The following SERGEF variants were observed in gnomAD, a reference collection of about 807,000 sequenced individuals.
SERGEF encodes the protein secretion regulating guanine nucleotide exchange factor.
SERGEF carries 51 observed loss-of-function variants against 50.0 expected under a neutral mutation model. The ratio of observed to expected loss-of-function variants is 1.02; its 90% confidence interval spans 0.81 to 1.29. The LOEUF (loss-of-function observed/expected upper bound fraction) is 1.29, where lower values mean the gene tolerates loss of function less well. Ranked by LOEUF, SERGEF falls within the 50% of genes most tolerant of loss-of-function variation. The pLI is 0.00. For synonymous variants in SERGEF, 205 were observed against 212.4 expected (o/e 0.97, Z 0.30); for missense variants, 521 against 557.0 (o/e 0.94, Z 0.65).
intron 9 of SERGEF, chr11:17,926,765 G>A (rs1440908031): frequency 2.2e-6 from 1 of 456,038 alleles, no homozygotes; most frequent in African/African-American, 2.0e-5. Context: ...AGACTATCTT[G>A]ATGCAGAATC....
At chr11:17,860,503 A>G (rs12295745) in intron 10 of SERGEF, among the ~76,000 whole-genome samples, 72,053 of 152,068 alleles carry the variant, frequency 0.47, 19,378 homozygotes, top group Middle Eastern at 0.71. Context: ...TTAGAAATAT[A>G]GAGATAGACA....
chr11:17,816,533 C>T (rs575288800), intron 10 of SERGEF, among the ~76,000 whole-genome samples: 91 of 152,322 alleles, frequency 6.0e-4, no homozygotes, highest in Non-Finnish European at 9.7e-4. Flanking sequence ...TGCTTATTGC[C>T]TCAAAGGCAT....
chr11:17,979,141 T>G (rs1174907791), intron 8 of SERGEF, among the ~76,000 whole-genome samples: 2 of 152,202 alleles, frequency 1.3e-5, no homozygotes, highest in Non-Finnish European at 2.9e-5. Flanking sequence ...CCCAGGCCAG[T>G]ACACGGTTTC....
intron 10 of SERGEF, among the ~76,000 whole-genome samples, chr11:17,792,075 C>A (rs1455433477): frequency 6.6e-6 from 1 of 152,168 alleles, no homozygotes; most frequent in Non-Finnish European, 1.5e-5. Flanking sequence ...ACTCATTATC[C>A]ACTGAAAACT....
Position 17,982,022 on chromosome 11 carries a change from C to T in SERGEF, c.844+6575G>A, listed in dbSNP as rs190757194. ...GTTTTGCCATACTGCCCAGGCTGAT[C>T]TCAAACTCCTGGGCTCAAGAGATCC... On this transcript the variant is annotated intron_variant, in intron 8 of 10. Transcript: ENST00000265965. Among the ~76,000 whole-genome samples the T allele has an allele frequency of 2.0e-5, 3 of 152,232 alleles. No individual in the cohort carries two copies. In the East Asian group the frequency reaches 5.8e-4, roughly 29 times the overall value.
intron 10 of SERGEF, chr11:17,846,565 A>C: frequency 2.5e-6 from 1 of 393,398 alleles, no homozygotes; most frequent in East Asian, 7.3e-5. Context: ...GCAGAGGCAG[A>C]ATGGTAATTA....
intron 10 of SERGEF, among the ~76,000 whole-genome samples, chr11:17,842,317 T>G (rs187398571): frequency 2.8e-4 from 42 of 152,302 alleles, no homozygotes; most frequent in Non-Finnish European, 4.6e-4. Context: ...GAGTCTGGAT[T>G]AGACTAACAG....
intron 9 of SERGEF, among the ~76,000 whole-genome samples, chr11:17,909,201 A>C (rs1212312489): frequency 6.6e-6 from 1 of 152,228 alleles, no homozygotes; most frequent in African/African-American, 2.4e-5. Context: ...GGAATCTTAG[A>C]TTCTTCATTG....
intron 10 of SERGEF, among the ~76,000 whole-genome samples, chr11:17,851,696 C>T (rs1298731083): frequency 1.4e-4 from 21 of 152,230 alleles, no homozygotes; most frequent in Admixed American, 1.2e-3. Flanking sequence ...GCTGGCGTGG[C>T]AGTGACAGAA....
intron 9 of SERGEF, among the ~76,000 whole-genome samples, chr11:17,912,738 G>A (rs538815015): frequency 6.6e-6 from 1 of 152,322 alleles, no homozygotes; most frequent in East Asian, 1.9e-4. Context: ...GGGAGCCAAA[G>A]CATTCACTAC....
chr11:17,836,111 T>A (rs766741784), intron 10 of SERGEF, among the ~76,000 whole-genome samples: 1 of 152,232 alleles, frequency 6.6e-6, no homozygotes, highest in Non-Finnish European at 1.5e-5. Flanking sequence ...ACTGAGCACA[T>A]ACCATGTGCC....
chr11:17,851,562 C>T (rs962350860), intron 10 of SERGEF, among the ~76,000 whole-genome samples: 3 of 152,072 alleles, frequency 2.0e-5, no homozygotes, highest in African/African-American at 7.2e-5. Context: ...AAGGGACAGA[C>T]AGGACCTGGT....
At chr11:17,974,486 A>C (rs532773947) in intron 8 of SERGEF, among the ~76,000 whole-genome samples, 1 of 152,304 alleles carries the variant, frequency 6.6e-6, no homozygotes, top group South Asian at 2.1e-4. Flanking sequence ...ACTATGGACC[A>C]TCTGCCAGGA....
At chr11:17,976,458 T>A (rs1393131427) in intron 8 of SERGEF, among the ~76,000 whole-genome samples, 1 of 4,272 alleles carries the variant, frequency 2.3e-4, no homozygotes, top group African/African-American at 6.5e-4. Flanking sequence ...CTAATTTTCA[T>A]TTTTTTTTTT....
At chr11:17,872,361 T>G (rs956160839) in intron 10 of SERGEF, among the ~76,000 whole-genome samples, 1 of 152,202 alleles carries the variant, frequency 6.6e-6, no homozygotes, top group Admixed American at 6.5e-5. Context: ...ATTCATCATC[T>G]GAACCCTTAA....
Position 18,000,479 on chromosome 11 carries a change from T to G in SERGEF, c.508+18A>C, listed in dbSNP as rs1186981735. On this transcript the variant is annotated intron_variant, in intron 5 of 10. Transcript: ENST00000265965. ...AGTATTAAAAATAAAAATAAAAAAATAAAGATAAGATGATCACCTGTAGCA... is the reference window on the plus strand; with the variant it reads ...AGTATTAAAAATAAAAATAAAAAAAGAAAGATAAGATGATCACCTGTAGCA... 1 of 1,528,388 alleles carries G rather than the reference T, an allele frequency of 6.5e-7. No individual in the cohort carries two copies. Among genetic ancestry groups the G allele is most frequent in the South Asian group, 1.2e-5 (1 of 80,254 alleles). The allele number at this position is 1,528,388 out of a possible 1,614,324, so 94.7% of individuals were successfully genotyped here. A position where few individuals can be genotyped will look rare whatever the true frequency, so the allele number is the denominator to read the frequency against.
At chr11:17,854,064 C>T (rs1379155460) in intron 10 of SERGEF, 1 of 151,658 alleles carries the variant, frequency 6.6e-6, no homozygotes, top group East Asian at 1.9e-4. Flanking sequence ...CAGTCTTTGC[C>T]CTGGGCCAAA....
chr11:17,790,181 G>C (rs139053027), intron 10 of SERGEF, among the ~76,000 whole-genome samples: 102 of 152,106 alleles, frequency 6.7e-4, no homozygotes, highest in African/African-American at 2.3e-3. Context: ...TCCCATTCTT[G>C]TCCCTCTATC....
chr11:17,946,276 C>G (rs1852659249), intron 9 of SERGEF, among the ~76,000 whole-genome samples: 1 of 152,108 alleles, frequency 6.6e-6, no homozygotes, highest in Non-Finnish European at 1.5e-5. Context: ...ATCACGTGAC[C>G]TTGGACTAAC....
Sources: allele counts gnomAD v4.1 joint callset (sites outside exome capture counted in the v4.1 genomes callset), GRCh38; gene constraint gnomAD v4.1.1; transcripts MANE v1.5; gene names NCBI Gene and HGNC (gene_info 2026-07-23, HGNC 2026-07-21).